PCDH7: variants seen among roughly 807,000 people sequenced by gnomAD.
PCDH7 encodes protocadherin-7.
Under a neutral mutation model 58.9 loss-of-function variants are expected in PCDH7, and 17 were observed. The observed-to-expected ratio is 0.29, with a 90% CI of 0.20 to 0.43. The LOEUF (loss-of-function observed/expected upper bound fraction) is 0.43, where lower values mean the gene tolerates loss of function less well. Ranked by LOEUF, PCDH7 falls within the 20% of genes least tolerant of loss-of-function variation. The pLI is 1.00. For synonymous variants in PCDH7, 664 were observed against 616.4 expected (o/e 1.08, Z -1.14); for missense variants, 1,274 against 1,441.0 (o/e 0.88, Z 1.88).
intron 1 of PCDH7, among the ~76,000 whole-genome samples, chr4:30,835,796 A>G (rs1412515973): frequency 1.3e-5 from 2 of 152,234 alleles, no homozygotes; most frequent in Non-Finnish European, 2.9e-5. Context: ...AAATGGATCC[A>G]TAAATATGAA....
chr4:30,954,372 A>T (rs1413743510), intron 3 of PCDH7, among the ~76,000 whole-genome samples: 4 of 151,964 alleles, frequency 2.6e-5, no homozygotes, highest in African/African-American at 9.7e-5. Flanking sequence ...ATATTGTGTG[A>T]CTTTGTACAA....
At chr4:30,843,737 T>C (rs10025381) in intron 1 of PCDH7, among the ~76,000 whole-genome samples, 5,723 of 152,160 alleles carry the variant, frequency 0.038, 342 homozygotes, top group African/African-American at 0.13. Flanking sequence ...GATTGCAATT[T>C]ACCTTTTCAT....
intron 2 of PCDH7, among the ~76,000 whole-genome samples, chr4:30,934,679 T>G (rs1298502552): frequency 1.3e-5 from 2 of 152,190 alleles, no homozygotes; most frequent in Non-Finnish European, 2.9e-5. Context: ...CAAAAGTCAT[T>G]ATATTTGAGT....
intron 1 of PCDH7, among the ~76,000 whole-genome samples, chr4:30,745,006 A>G (rs968319930): frequency 6.6e-6 from 1 of 152,172 alleles, no homozygotes; most frequent in African/African-American, 2.4e-5. Flanking sequence ...ATGTCAAATC[A>G]CCTTCAGATG....
At chr4:31,080,351 A>G (rs952454790) in intron 3 of PCDH7, among the ~76,000 whole-genome samples, 1 of 152,134 alleles carries the variant, frequency 6.6e-6, no homozygotes, top group Non-Finnish European at 1.5e-5. Context: ...TAAAAATAAT[A>G]GTATGTATAA....
intron 1 of PCDH7, among the ~76,000 whole-genome samples, chr4:30,787,011 T>A (rs1055047527): frequency 1.3e-5 from 2 of 152,014 alleles, no homozygotes; most frequent in African/African-American, 4.8e-5. Context: ...AAAATCAAGC[T>A]CTCAATATGG....
intron 3 of PCDH7, among the ~76,000 whole-genome samples, chr4:31,038,620 C>T (rs1755605410): frequency 6.6e-6 from 1 of 151,994 alleles, no homozygotes; most frequent in Non-Finnish European, 1.5e-5. Flanking sequence ...CATGTAATTA[C>T]ACTGTATATA....
chr4:31,011,622 C>T (rs895529045), intron 3 of PCDH7, among the ~76,000 whole-genome samples: 1 of 151,944 alleles, frequency 6.6e-6, no homozygotes, highest in Non-Finnish European at 1.5e-5. Context: ...ATGAAAATCA[C>T]AGAAAAGGCT....
At chr4:30,899,723 T>C (rs1351530364) in intron 1 of PCDH7, among the ~76,000 whole-genome samples, 2 of 152,146 alleles carry the variant, frequency 1.3e-5, no homozygotes, top group Non-Finnish European at 2.9e-5. Flanking sequence ...CTAATATTTT[T>C]TTTTTCATCT....
chr4:31,056,677 A>AGAGGAGAGAGAGAAAG (rs1757285241), intron 3 of PCDH7, among the ~76,000 whole-genome samples: 1 of 113,252 alleles, frequency 8.8e-6, no homozygotes, highest in Non-Finnish European at 2.0e-5. Flanking sequence ...GAGAAAGAGA[A>AGAGGAGAGAGAGAAAG]AGAGAGAGGA....
intron 3 of PCDH7, among the ~76,000 whole-genome samples, chr4:31,104,811 A>C (rs1410711784): frequency 1.3e-5 from 2 of 152,212 alleles, no homozygotes; most frequent in East Asian, 1.9e-4. Context: ...GAACAGCTGA[A>C]GTATGAGCGT....
At chr4:30,792,393 G>C (rs1005825266) in intron 1 of PCDH7, among the ~76,000 whole-genome samples, 2 of 38,196 alleles carry the variant, frequency 5.2e-5, no homozygotes, top group South Asian at 6.0e-4. Flanking sequence ...CTGAACATCA[G>C]AAAAAAACAA....
At chr4:30,883,898 T>C (rs1578160253) in intron 1 of PCDH7, among the ~76,000 whole-genome samples, 1 of 152,150 alleles carries the variant, frequency 6.6e-6, no homozygotes, top group African/African-American at 2.4e-5. Flanking sequence ...TCTTGTGGAG[T>C]TGAAGTGAAC....
chr4:30,811,858 C>T (rs998880568), intron 1 of PCDH7, among the ~76,000 whole-genome samples: 3 of 152,068 alleles, frequency 2.0e-5, no homozygotes, highest in Non-Finnish European at 4.4e-5. Context: ...ATCACTGGAG[C>T]TGGGCCTTGA....
At chr4:30,889,207 A>G (rs1738275706) in intron 1 of PCDH7, among the ~76,000 whole-genome samples, 1 of 151,342 alleles carries the variant, frequency 6.6e-6, no homozygotes, top group Admixed American at 6.6e-5. Flanking sequence ...TAAGTTACCA[A>G]GAGTTAACAA....
intron 3 of PCDH7, among the ~76,000 whole-genome samples, chr4:31,092,425 T>G (rs1259255738): frequency 6.6e-6 from 1 of 152,028 alleles, no homozygotes; most frequent in Non-Finnish European, 1.5e-5. Context: ...ATGGGTTACA[T>G]TTCTCTGAAA....
chr4:30,737,534 ATATG>A (rs954967957), downstream of PCDH7, among the ~76,000 whole-genome samples: 1 of 114,842 alleles, frequency 8.7e-6, no homozygotes, highest in East Asian at 2.3e-4. Context: ...GTATGTATAC[ATATG>A]TGTGTGTGTG....
intron 3 of PCDH7, among the ~76,000 whole-genome samples, chr4:30,967,890 A>G (rs1380014189): frequency 6.6e-6 from 1 of 152,056 alleles, no homozygotes; most frequent in African/African-American, 2.4e-5. Context: ...GGTGTATTTC[A>G]TGCATACTTC....
rs56009522 is a variant in PCDH7, at chr4:31,047,997, T to C, written c.*8-94476T>C. Among the ~76,000 whole-genome samples, 538 of 152,150 alleles carry C rather than the reference T, an allele frequency of 3.5e-3. 2 individuals are homozygous for C. Among genetic ancestry groups the C allele is most frequent in the African/African-American group, 0.012 (500 of 41,552 alleles). ...TTTAACCATAATAAATTTTACCTTA[T>C]GGTTGCATAGTAGTTATACTCCTCA... is the stretch of plus-strand genomic sequence containing the variant. On this transcript the variant is annotated intron_variant, in intron 3 of 3. Coordinates refer to the PCDH7 transcript ENST00000509759.
Sources: allele counts gnomAD v4.1 joint callset (sites outside exome capture counted in the v4.1 genomes callset), GRCh38; gene constraint gnomAD v4.1.1; transcripts MANE v1.5; gene names NCBI Gene and HGNC (gene_info 2026-07-23, HGNC 2026-07-21).